The following PEX14 variants were observed in gnomAD, a reference collection of about 807,000 sequenced individuals.
The protein encoded by PEX14 is peroxisomal biogenesis factor 14.
A neutral mutation model predicts 49.5 loss-of-function variants in PEX14; 15 were observed. That is an observed-to-expected ratio of 0.30 (90% CI 0.20 to 0.47). The LOEUF (loss-of-function observed/expected upper bound fraction) is 0.47, where lower values mean the gene tolerates loss of function less well. Ranked by LOEUF, PEX14 falls within the 20% of genes least tolerant of loss-of-function variation. PEX14 has a pLI of 1.00. For missense variants in PEX14, 398 were observed against 494.8 expected, an observed-to-expected ratio of 0.80 and a Z score of 1.86; for synonymous variants, 210 against 212.7, an observed-to-expected ratio of 0.99 and a Z score of 0.11.
intron 2 of PEX14, among the ~76,000 whole-genome samples, chr1:10,530,582 C>T (rs1425791734): frequency 6.6e-6 from 1 of 152,192 alleles, no homozygotes; most frequent in Non-Finnish European, 1.5e-5. Context: ...AGTCTGGTTT[C>T]GGGGAGCCTG....
chr1:10,523,968 C>T (rs1638386112), intron 2 of PEX14, among the ~76,000 whole-genome samples: 1 of 151,856 alleles, frequency 6.6e-6, no homozygotes, highest in Non-Finnish European at 1.5e-5. Flanking sequence ...ATTACTTTAA[C>T]TGTTTAAATG....
rs115688391 is a variant in PEX14, at chr1:10,499,798, C to T, written c.84+4477C>T. Among the ~76,000 whole-genome samples the T allele has an allele frequency of 7.4e-3, 1,131 of 152,166 alleles. 14 individuals are homozygous for T. The highest frequency in any genetic ancestry group is 0.026 in the African/African-American group (1,080 of 41,534). ...ATGACAGCAATTTCTACTTTATCAC[C>T]TTTTTCTGGGATTACTATTTTTTAG... On this transcript the variant is annotated intron_variant, in intron 2 of 8. Coordinates refer to ENST00000356607, the MANE Select transcript of PEX14 (RefSeq NM_004565.3).
chr1:10,515,274 G>T (rs1253377080), intron 2 of PEX14, among the ~76,000 whole-genome samples: 1 of 151,806 alleles, frequency 6.6e-6, no homozygotes, highest in Non-Finnish European at 1.5e-5. Context: ...GAACAGGAAG[G>T]GTTGTAGACA....
chr1:10,565,705 T>C (rs527379547), intron 3 of PEX14, among the ~76,000 whole-genome samples: 8 of 152,368 alleles, frequency 5.3e-5, no homozygotes, highest in Admixed American at 5.2e-4. Flanking sequence ...GATCTTAAGC[T>C]CTAGCCTTAC....
intron 2 of PEX14, among the ~76,000 whole-genome samples, chr1:10,520,765 T>C (rs755542624): frequency 1.2e-4 from 18 of 152,168 alleles, no homozygotes; most frequent in Admixed American, 7.9e-4. Flanking sequence ...TCGAAACGGG[T>C]CTAACCCAAT....
At chr1:10,590,150 A>T (rs529697102) in intron 3 of PEX14, among the ~76,000 whole-genome samples, 2 of 152,244 alleles carry the variant, frequency 1.3e-5, no homozygotes, top group South Asian at 4.2e-4. Context: ...AAATGGGGAG[A>T]ATCAAGTGTC....
chr1:10,557,283 G>A (rs1278825991), intron 3 of PEX14, among the ~76,000 whole-genome samples: 1 of 152,170 alleles, frequency 6.6e-6, no homozygotes. Flanking sequence ...TTACCTTTGT[G>A]GGGTAAAAAC....
chr1:10,480,469 C>T (rs1311389127), intron 1 of PEX14, among the ~76,000 whole-genome samples: 1 of 148,530 alleles, frequency 6.7e-6, no homozygotes, highest in Non-Finnish European at 1.5e-5. Flanking sequence ...TCTCGGCTCA[C>T]TGCAACCTCT....
At chr1:10,505,922 C>T (rs1310946773) in intron 2 of PEX14, among the ~76,000 whole-genome samples, 1 of 152,194 alleles carries the variant, frequency 6.6e-6, no homozygotes, top group Non-Finnish European at 1.5e-5. Context: ...CTCAAGTGAT[C>T]TGCCCGCCTC....
intron 3 of PEX14, among the ~76,000 whole-genome samples, chr1:10,572,908 C>T (rs960930513): frequency 6.6e-6 from 1 of 152,184 alleles, no homozygotes; most frequent in Non-Finnish European, 1.5e-5. Context: ...CCTACACAGA[C>T]CTGGAGGGTA....
intron 2 of PEX14, among the ~76,000 whole-genome samples, chr1:10,530,947 T>C (rs902805918): frequency 6.6e-6 from 1 of 152,202 alleles, no homozygotes; most frequent in African/African-American, 2.4e-5. Context: ...TGGTTTAGGA[T>C]ATGTCACCTT....
chr1:10,535,466 C>G (rs563150313), intron 2 of PEX14, among the ~76,000 whole-genome samples: 2 of 152,288 alleles, frequency 1.3e-5, no homozygotes, highest in African/African-American at 2.4e-5. Context: ...GAACTCAGCT[C>G]CATTGCAGAA....
At position 10,512,685 on chromosome 1, in the gene PEX14, T is replaced by C. The variant is rs1259058153; in HGVS notation, c.84+17364T>C. 6.6e-6 allele frequency among the ~76,000 whole-genome samples: 1 copy of C among 152,050 alleles called. No homozygotes were observed. Among genetic ancestry groups the C allele is most frequent in the Admixed American group, 6.5e-5 (1 of 15,272 alleles). On this transcript the variant is annotated intron_variant, in intron 2 of 8. Transcript: ENST00000356607. This position sits in a 1 kb window ranked among gnomAD's most constrained non-coding sequence, Gnocchi z 4.6. ...TTTTAAATGAAATGCTCCCTGTTCT[T>C]TTCCTTCTTTTTTTTTTTAACTTTT...
intron 2 of PEX14, among the ~76,000 whole-genome samples, chr1:10,506,774 A>T (rs889293831): frequency 6.6e-6 from 1 of 152,168 alleles, no homozygotes; most frequent in African/African-American, 2.4e-5. Context: ...TGAAGTTCTT[A>T]CTTTGCTTTA....
At chr1:10,546,814 A>G (rs1215189801) in intron 3 of PEX14, among the ~76,000 whole-genome samples, 1 of 151,740 alleles carries the variant, frequency 6.6e-6, no homozygotes, top group Non-Finnish European at 1.5e-5. Context: ...GGTTGCAGTG[A>G]GCCGAGATTG....
At chr1:10,519,319 G>T (rs1212768553) in intron 2 of PEX14, among the ~76,000 whole-genome samples, 2 of 152,160 alleles carry the variant, frequency 1.3e-5, no homozygotes, top group Non-Finnish European at 2.9e-5. Flanking sequence ...TCACTAAGTG[G>T]CCATAGCAGA....
chr1:10,493,131 G>A (rs984485440), intron 1 of PEX14, among the ~76,000 whole-genome samples: 12 of 152,332 alleles, frequency 7.9e-5, no homozygotes, highest in East Asian at 5.8e-4. Context: ...CTTGAGACCT[G>A]AGGTGTAGTC....
intron 3 of PEX14, among the ~76,000 whole-genome samples, chr1:10,592,516 A>AGAGATCT (rs1640699008): frequency 6.6e-6 from 1 of 152,160 alleles, no homozygotes; most frequent in South Asian, 2.1e-4. Flanking sequence ...AATTTGTGTT[A>AGAGATCT]CATAGAGGGG....
At position 10,543,397 on chromosome 1, in the gene PEX14, G is replaced by A. The variant is rs187710575; in HGVS notation, c.169+7100G>A. Among the ~76,000 whole-genome samples the A allele has an allele frequency of 7.9e-5, 12 of 152,252 alleles. No individual in the cohort carries two copies. The East Asian group carries it at 1.7e-3, about 22-fold the overall frequency. ...GATTCACCTGTCTCGGCCTCTCAAA[G>A]TGCTGGTATTACAGGCATGAGCCAC... is the stretch of plus-strand genomic sequence containing the variant. On this transcript the variant is annotated intron_variant, in intron 3 of 8. Coordinates refer to ENST00000356607, the MANE Select transcript of PEX14 (RefSeq NM_004565.3).
Sources: gnomAD v4.1 joint callset for allele counts (sites outside exome capture counted in the v4.1 genomes callset) on GRCh38, gnomAD v4.1.1 for gene constraint, Gnocchi (gnomAD v3.1) non-coding constraint, MANE v1.5 for transcripts, NCBI Gene and HGNC (gene_info 2026-07-23, HGNC 2026-07-21) for gene names.